BBS9: variants seen among roughly 807,000 people sequenced by gnomAD.
BBS9 encodes the protein Bardet-Biedl syndrome 9, also known as protein PTHB1.
In BBS9, 89 loss-of-function variants were observed where a neutral mutation model predicts 117.7. That is an observed-to-expected ratio of 0.76 (90% CI 0.64 to 0.90). The LOEUF (loss-of-function observed/expected upper bound fraction) is 0.90, where lower values mean the gene tolerates loss of function less well. Ranked by LOEUF, BBS9 falls within the 40% of genes least tolerant of loss-of-function variation. BBS9 has a pLI of 0.00. For missense variants in BBS9, 982 were observed against 1,042.2 expected (o/e 0.94, Z 0.80); for synonymous variants, 379 against 370.9 (o/e 1.02, Z -0.25).
intron 13 of BBS9, 69 bp downstream of exon 13, chr7:33,349,239 T>TA (rs780464090): frequency 1.3e-4 from 140 of 1,052,912 alleles, no homozygotes; most frequent in Admixed American, 2.1e-4. Flanking sequence ...TTTGTTCATT[T>TA]AATGGCTATT....
At chr7:33,415,856 A>G (rs73314910) in intron 19 of BBS9, among the ~76,000 whole-genome samples, 12,173 of 152,150 alleles carry the variant, frequency 0.08, 510 homozygotes, top group South Asian at 0.14. Flanking sequence ...ATTTTTTGAG[A>G]TAGGGTCTCA....
intron 21 of BBS9, among the ~76,000 whole-genome samples, chr7:33,582,541 C>CACACACAT (rs1860143244): frequency 6.6e-6 from 1 of 152,056 alleles, no homozygotes; most frequent in Admixed American, 6.6e-5. Flanking sequence ...CACACACACA[C>CACACACAT]ACACACATAC....
chr7:33,259,109 C>T (rs1236208213), intron 6 of BBS9, among the ~76,000 whole-genome samples: 1 of 152,026 alleles, frequency 6.6e-6, no homozygotes, highest in Non-Finnish European at 1.5e-5. Flanking sequence ...AAATGATAAT[C>T]ACTGCTGCAT....
intron 9 of BBS9, among the ~76,000 whole-genome samples, chr7:33,285,798 T>C (rs1456288127): frequency 2.0e-5 from 3 of 152,096 alleles, no homozygotes; most frequent in Admixed American, 6.6e-5. Context: ...TTAAATAAAT[T>C]AAAAAGCCAT....
intron 21 of BBS9, among the ~76,000 whole-genome samples, chr7:33,578,164 A>T (rs1170206885): frequency 6.6e-6 from 1 of 152,202 alleles, no homozygotes; most frequent in Non-Finnish European, 1.5e-5. Flanking sequence ...ATGCCTTCAC[A>T]CAAGTTATCA....
At position 33,502,395 on chromosome 7, in the gene BBS9, G is replaced by A. The variant is rs1000041622; in HGVS notation, c.2116-3068G>A. Among the ~76,000 whole-genome samples the A allele has an allele frequency of 2.6e-5, 4 of 152,034 alleles. No homozygotes were observed. The South Asian group carries it at 8.3e-4, about 32-fold the overall frequency. ...ATGTGAGGTCCCTGAATGCAAAGTT[G>A]GGAAGAAATGTAAACCGTAGCCCAT... On this transcript the variant is annotated intron_variant, in intron 19 of 22. Coordinates refer to ENST00000242067, the MANE Select transcript of BBS9 (RefSeq NM_198428.3).
At chr7:33,178,778 GTT>G (rs879471511) in intron 5 of BBS9, among the ~76,000 whole-genome samples, 12 of 146,024 alleles carry the variant, frequency 8.2e-5, no homozygotes, top group Non-Finnish European at 1.8e-4. Context: ...TGTGAACTCA[GTT>G]TTTTTTTTTT....
intron 19 of BBS9, among the ~76,000 whole-genome samples, chr7:33,423,118 A>T (rs1474427075): frequency 6.6e-6 from 1 of 152,156 alleles, no homozygotes; most frequent in African/African-American, 2.4e-5. Flanking sequence ...AGTCAGCCAA[A>T]TTGGAAGCTG....
chr7:33,207,491 T>C (rs770888624), intron 5 of BBS9, among the ~76,000 whole-genome samples: 5 of 152,126 alleles, frequency 3.3e-5, no homozygotes, highest in Non-Finnish European at 5.9e-5. Flanking sequence ...ATTTGGCCAG[T>C]GGGAGCCTCT....
intron 19 of BBS9, among the ~76,000 whole-genome samples, chr7:33,410,099 G>A (rs1395830054): frequency 6.6e-6 from 1 of 152,100 alleles, no homozygotes; most frequent in African/African-American, 2.4e-5. Flanking sequence ...CTGGACAACT[G>A]GGGCCATTTC....
At chr7:33,344,542 A>G in intron 11 of BBS9, 39 bp from the exon 12 acceptor site, 1 of 1,591,946 alleles carries the variant, frequency 6.3e-7, no homozygotes, top group Non-Finnish European at 8.6e-7. Flanking sequence ...TGTAATATTG[A>G]CATCATTCTT....
At chr7:33,178,636 G>A (rs1238295513) in intron 5 of BBS9, among the ~76,000 whole-genome samples, 2 of 152,180 alleles carry the variant, frequency 1.3e-5, no homozygotes, top group East Asian at 1.9e-4. Flanking sequence ...TGCAGAGCAT[G>A]TAACTAGGGA....
At chr7:33,378,599 A>AAGTCTAAG (rs1207439318) in intron 17 of BBS9, among the ~76,000 whole-genome samples, 1 of 152,196 alleles carries the variant, frequency 6.6e-6, no homozygotes, top group African/African-American at 2.4e-5. Context: ...AAAAGCTTAG[A>AAGTCTAAG]CTTATTCACA....
At position 33,388,159 on chromosome 7, in the gene BBS9, A is replaced by G; in HGVS notation, c.2115+15A>G. On this transcript the variant is annotated intron_variant, in intron 19 of 22. Coordinates refer to ENST00000242067, the MANE Select transcript of BBS9 (RefSeq NM_198428.3). ...CCTACAAGCAGGTCAGTATAATATC[A>G]GTAACAGTTTTCTATTACTGGCTAT... 6.2e-7 allele frequency: 1 copy of G among 1,613,606 alleles called. No individual in the cohort carries two copies. The highest frequency in any genetic ancestry group is 8.5e-7 in the Non-Finnish European group (1 of 1,179,512).
rs560053462 is a variant in BBS9 at position 33,416,235 on chromosome 7, G to A, written c.2115+28091G>A. Among the ~76,000 whole-genome samples, 16 of 151,558 alleles carry A rather than the reference G, an allele frequency of 1.1e-4. No homozygotes were observed. The South Asian group carries it at 3.4e-3, about 32-fold the overall frequency. The stretch of plus-strand genomic sequence containing the variant: ...AAAATCAGTAGCCCTGGCCATACGG[G>A]ACCTGCATTTCCTCATGGTGAGAAC... On this transcript the variant is annotated intron_variant, in intron 19 of 22. Coordinates refer to ENST00000242067, the MANE Select transcript of BBS9 (RefSeq NM_198428.3).
chr7:33,465,179 C>T (rs1358104610), intron 19 of BBS9, among the ~76,000 whole-genome samples: 5 of 150,870 alleles, frequency 3.3e-5, no homozygotes, highest in Non-Finnish European at 7.4e-5. Flanking sequence ...GTGGTAATTC[C>T]TGTTAATTTT....
At chr7:33,611,227 C>G (rs1479774077) in intron 21 of BBS9, among the ~76,000 whole-genome samples, 1 of 151,890 alleles carries the variant, frequency 6.6e-6, no homozygotes, top group Non-Finnish European at 1.5e-5. Flanking sequence ...TGTGAACTCT[C>G]ATTTCTATGT....
chr7:33,614,219 C>T (rs1437436344), intron 21 of BBS9, among the ~76,000 whole-genome samples: 1 of 151,908 alleles, frequency 6.6e-6, no homozygotes, highest in Non-Finnish European at 1.5e-5. Flanking sequence ...ATTGACTAAA[C>T]AAGAAAGTGA....
chr7:33,261,091 C>T (rs1278129666), intron 6 of BBS9, among the ~76,000 whole-genome samples: 1 of 150,134 alleles, frequency 6.7e-6, no homozygotes, highest in African/African-American at 2.5e-5. Context: ...CACATACTGT[C>T]TATCTCCTAT....
Sources: gnomAD v4.1 joint callset for allele counts (sites outside exome capture counted in the v4.1 genomes callset) on GRCh38, gnomAD v4.1.1 for gene constraint, MANE v1.5 for transcripts, NCBI Gene and HGNC (gene_info 2026-07-23, HGNC 2026-07-21) for gene names.